Variants in KCNMA1 observed in about 807,000 individuals in gnomAD.
KCNMA1 encodes Calcium-activated potassium channel subunit alpha-1.
In KCNMA1, 29 loss-of-function variants were observed where a neutral mutation model predicts 140.0. The observed-to-expected ratio is 0.21, with a 90% CI of 0.15 to 0.28. KCNMA1 has a LOEUF of 0.28. KCNMA1 is among the 10% of genes least tolerant of loss of function. The probability of loss-of-function intolerance (pLI) is 1.00; values close to 1 mark genes in which losing one functional copy is unlikely to be tolerated. For missense variants in KCNMA1, 880 were observed against 1,602.2 expected (o/e 0.55, Z 7.70); for synonymous variants, 612 against 611.9 (o/e 1.00, Z 0.00).
At chr10:76,877,919 A>G (rs764474455) in intron 29 of KCNMA1, 7 of 1,599,060 alleles carry the variant, frequency 4.4e-6, no homozygotes, top group Non-Finnish European at 5.1e-6. Flanking sequence ...GATAGAGAAC[A>G]AGAAGGAGAA....
chr10:77,410,398 G>A (rs541901260), intron 1 of KCNMA1, among the ~76,000 whole-genome samples: 51 of 152,224 alleles, frequency 3.4e-4, no homozygotes, highest in African/African-American at 1.1e-3. Context: ...GGCTGGGCCC[G>A]CCTTGAGGGG....
intron 2 of KCNMA1, among the ~76,000 whole-genome samples, chr10:77,307,879 ACTTATGATGGG>A (rs2078220856): frequency 1.3e-5 from 2 of 152,258 alleles, no homozygotes; most frequent in African/African-American, 4.8e-5. Flanking sequence ...GATATTTTCA[ACTTATGATGGG>A]CTATCAGGAT....
intron 1 of KCNMA1, among the ~76,000 whole-genome samples, chr10:77,613,808 G>C (rs34211793): frequency 0.28 from 42,820 of 152,124 alleles, 6,187 homozygotes; most frequent in Middle Eastern, 0.38. Context: ...GACAGGGAAG[G>C]AAAGAGGAGA....
At chr10:77,360,840 G>C (rs990646126) in intron 2 of KCNMA1, among the ~76,000 whole-genome samples, 2 of 152,160 alleles carry the variant, frequency 1.3e-5, no homozygotes. Context: ...CCACAGGGAG[G>C]GAGGGACGGG....
intron 25 of KCNMA1, among the ~76,000 whole-genome samples, chr10:76,895,251 G>A (rs1324758015): frequency 2.0e-5 from 3 of 152,110 alleles, no homozygotes; most frequent in East Asian, 3.9e-4. Context: ...TGGGATACTC[G>A]GCTCTTGAGA....
chr10:77,116,717 C>G (rs1256099109), intron 6 of KCNMA1, among the ~76,000 whole-genome samples: 1 of 152,036 alleles, frequency 6.6e-6, no homozygotes, highest in African/African-American at 2.4e-5. Context: ...CTTTCTCTGC[C>G]CCAATTTGCA....
At chr10:77,050,062 G>A (rs2095298805) in intron 14 of KCNMA1, among the ~76,000 whole-genome samples, 1 of 152,106 alleles carries the variant, frequency 6.6e-6, no homozygotes, top group African/African-American at 2.4e-5. Flanking sequence ...TCCTCTGGGA[G>A]AGGAAGCCCC....
intron 1 of KCNMA1, chr10:77,634,472 A>T (rs1241695668): frequency 2.0e-6 from 2 of 985,328 alleles, no homozygotes; most frequent in African/African-American, 3.5e-5. Flanking sequence ...CTTTGATCAA[A>T]AAGGTTTGGT....
chr10:77,470,539 G>A lies in KCNMA1; in HGVS notation c.379-66516C>T, dbSNP rs139847767. 5.0e-3 allele frequency among the ~76,000 whole-genome samples: 761 copies of A among 152,234 alleles called. 9 individuals are homozygous for A. The highest frequency in any genetic ancestry group is 0.017 in the African/African-American group (713 of 41,542). On this transcript the variant is annotated intron_variant, in intron 1 of 27. Transcript: ENST00000286628. ...GGCAGGGGATCTCCTCCTAACCAGC[G>A]CCAGCGACCACAAAGGGTGCTCTTC...
rs374839577 is a variant in KCNMA1 at position 77,261,208 on chromosome 10, A to G, written c.541-9952T>C. The stretch of plus-strand genomic sequence containing the variant: ...GGAAACAACAGGGTTCCCTCTTACT[A>G]TAAGTTTACTATAAATCATGCATCC... On this transcript the variant is annotated intron_variant, in intron 2 of 27. Coordinates refer to ENST00000286628, the MANE Select transcript of KCNMA1 (RefSeq NM_001161352.2). Among the ~76,000 whole-genome samples the G allele has an allele frequency of 1.4e-3, 208 of 152,296 alleles. 6 individuals are homozygous for G. In the East Asian group the frequency reaches 0.035, roughly 26 times the overall value.
At chr10:77,300,917 C>A (rs926309389) in intron 2 of KCNMA1, among the ~76,000 whole-genome samples, 7 of 152,212 alleles carry the variant, frequency 4.6e-5, no homozygotes, top group African/African-American at 1.4e-4. Context: ...AATCCTAGGG[C>A]ACTCGCTGGC....
intron 1 of KCNMA1, among the ~76,000 whole-genome samples, chr10:77,572,754 T>C (rs940494592): frequency 8.2e-6 from 1 of 121,554 alleles, no homozygotes; most frequent in African/African-American, 3.5e-5. Context: ...AGATCTTGTC[T>C]CAAAAAAAAA....
Position 77,265,054 on chromosome 10 carries a change from C to CT in KCNMA1, c.541-13799dup, listed in dbSNP as rs796813897. ...ATGATGTTCATAGCATCAAAAGACT[C>CT]TTTTTTTTTTTTCCTGAGACAGGGT... is the stretch of plus-strand genomic sequence containing the variant. On this transcript the variant is annotated intron_variant, in intron 2 of 27. Transcript: ENST00000286628. 8.2e-3 allele frequency among the ~76,000 whole-genome samples: 1,194 copies of CT among 146,116 alleles called. 14 individuals carry two copies. The highest frequency in any genetic ancestry group is 0.022 in the African/African-American group (896 of 40,126).
intron 2 of KCNMA1, among the ~76,000 whole-genome samples, chr10:77,374,893 G>T (rs2094974568): frequency 6.6e-6 from 1 of 152,128 alleles, no homozygotes; most frequent in Admixed American, 6.5e-5. Context: ...ATCTATATTT[G>T]GGGGAAGGAA....
Position 77,108,438 on chromosome 10 carries a change from ATTCTACCGC to A in KCNMA1, c.1223+34_1223+42del. 6.2e-7 allele frequency: 1 copy of A among 1,603,390 alleles called. No individual in the cohort carries two copies. Among genetic ancestry groups the A allele is most frequent in the Non-Finnish European group, 8.5e-7 (1 of 1,172,368 alleles). On this transcript the variant is annotated intron_variant, in intron 9 of 27. Coordinates refer to ENST00000286628, the MANE Select transcript of KCNMA1 (RefSeq NM_001161352.2). The surrounding 1 kb of genome is among the most constrained non-coding windows in gnomAD (Gnocchi z 4.6). ...AAAAAAAAAATGGCATGCAGAGAGG[ATTCTACCGC>A]AGCAGAGGCAGCAAAACCTCTTGGC...
At chr10:76,906,594 G>C (rs558227405) in intron 25 of KCNMA1, among the ~76,000 whole-genome samples, 1 of 152,238 alleles carries the variant, frequency 6.6e-6, no homozygotes, top group South Asian at 2.1e-4. Flanking sequence ...AGGAGCGCTA[G>C]AATAAGGAGA....
intron 24 of KCNMA1, chr10:76,910,660 C>T (rs1023642935): frequency 5.3e-6 from 1 of 188,108 alleles, no homozygotes; most frequent in African/African-American, 2.3e-5. Flanking sequence ...AGGTCCACAC[C>T]CAATAGGCCC....
intron 20 of KCNMA1, among the ~76,000 whole-genome samples, chr10:76,963,666 T>C (rs1472202461): frequency 6.6e-6 from 1 of 152,170 alleles, no homozygotes; most frequent in Non-Finnish European, 1.5e-5. Flanking sequence ...TGATTCTTGA[T>C]GGGGATTTAC....
At chr10:77,620,552 G>C (rs543395230) in intron 1 of KCNMA1, among the ~76,000 whole-genome samples, 1 of 152,316 alleles carries the variant, frequency 6.6e-6, no homozygotes, top group African/African-American at 2.4e-5. Flanking sequence ...AGAGGCCTGG[G>C]AGGCCTCTTG....
Sources: gnomAD v4.1 joint callset for allele counts (sites outside exome capture counted in the v4.1 genomes callset) on GRCh38, gnomAD v4.1.1 for gene constraint, Gnocchi (gnomAD v3.1) non-coding constraint, MANE v1.5 for transcripts, NCBI Gene and HGNC (gene_info 2026-07-23, HGNC 2026-07-21) for gene names.